FOXN3: variants seen among roughly 807,000 people sequenced by gnomAD.
FOXN3 encodes the protein forkhead box N3.
Under a neutral mutation model 38.4 loss-of-function variants are expected in FOXN3, and 7 were observed. The observed-to-expected ratio is 0.18, with a 90% CI of 0.10 to 0.34. The LOEUF is 0.34. Ranked by LOEUF, FOXN3 falls within the 10% of genes least tolerant of loss-of-function variation. The pLI is 1.00. For synonymous variants in FOXN3, 230 were observed against 242.2 expected (o/e 0.95, Z 0.47); for missense variants, 456 against 613.4 (o/e 0.74, Z 2.71).
chr14:89,363,947 A>AATATAT lies in FOXN3; in HGVS notation c.544-13145_544-13140dup, dbSNP rs67802765. Among the ~76,000 whole-genome samples, 92 of 111,308 alleles carry AATATAT rather than the reference A, an allele frequency of 8.3e-4. 1 individual carries two copies. Among genetic ancestry groups the AATATAT allele is most frequent in the African/African-American group, 3.1e-3 (60 of 19,356 alleles). The allele number at this position is 111,308 out of a possible 152,430, so 73.0% of individuals were successfully genotyped here. ...TAACTGAGCAAGACCCTGTCTGTAAAATATATATATATATATATATATATA... is the reference window on the plus strand; with the variant it reads ...TAACTGAGCAAGACCCTGTCTGTAAAATATATATATATATATATATATATATATATA... On this transcript the variant is annotated intron_variant, in intron 2 of 5. Transcript: ENST00000557258.
At chr14:89,372,590 G>C (rs1462529648) in intron 2 of FOXN3, among the ~76,000 whole-genome samples, 1 of 152,060 alleles carries the variant, frequency 6.6e-6, no homozygotes, top group South Asian at 2.1e-4. Flanking sequence ...AACTTTCCAA[G>C]AGTTTAAGAC....
chr14:89,593,903 G>C (rs1463217530), intron 1 of FOXN3, among the ~76,000 whole-genome samples: 1 of 152,158 alleles, frequency 6.6e-6, no homozygotes, highest in African/African-American at 2.4e-5. Flanking sequence ...CACTGCACTG[G>C]GCAGCTATAG....
At chr14:89,541,640 C>A (rs1894792577) in intron 1 of FOXN3, among the ~76,000 whole-genome samples, 1 of 152,126 alleles carries the variant, frequency 6.6e-6, no homozygotes, top group African/African-American at 2.4e-5. Flanking sequence ...AATAGCCATT[C>A]TTTTATTCCT....
chr14:89,472,891 G>A (rs1173061082), intron 1 of FOXN3, among the ~76,000 whole-genome samples: 3 of 152,136 alleles, frequency 2.0e-5, no homozygotes, highest in Non-Finnish European at 2.9e-5. Context: ...TAACCCTTCT[G>A]TGAGGTTAAT....
At chr14:89,512,107 C>T (rs796158282) in intron 1 of FOXN3, among the ~76,000 whole-genome samples, 2 of 152,252 alleles carry the variant, frequency 1.3e-5, no homozygotes, top group African/African-American at 4.8e-5. Flanking sequence ...GAGGGCACAC[C>T]GCTGTTCTCA....
At chr14:89,218,207 G>C (rs1391043606) in intron 4 of FOXN3, among the ~76,000 whole-genome samples, 1 of 152,184 alleles carries the variant, frequency 6.6e-6, no homozygotes, top group Non-Finnish European at 1.5e-5. Context: ...GGTGGGGATT[G>C]GGATCCAGAA....
intron 5 of FOXN3, among the ~76,000 whole-genome samples, chr14:89,174,422 A>T (rs1353953769): frequency 6.6e-6 from 1 of 152,210 alleles, no homozygotes; most frequent in Non-Finnish European, 1.5e-5. Flanking sequence ...CATGAGCTGC[A>T]AACTGCTCCC....
At chr14:89,514,688 T>C (rs1291732077) in intron 1 of FOXN3, among the ~76,000 whole-genome samples, 2 of 152,198 alleles carry the variant, frequency 1.3e-5, no homozygotes, top group Non-Finnish European at 2.9e-5. Context: ...ATACATTTAA[T>C]TTTAGTTCAT....
chr14:89,373,310 T>A (rs934737535), intron 2 of FOXN3, among the ~76,000 whole-genome samples: 28 of 56,798 alleles, frequency 4.9e-4, no homozygotes, highest in African/African-American at 2.0e-3. Context: ...AAGTGAAAGC[T>A]ATCACAGCTT....
intron 3 of FOXN3, among the ~76,000 whole-genome samples, chr14:89,322,533 C>T (rs1321074952): frequency 1.3e-5 from 2 of 151,986 alleles, no homozygotes; most frequent in Middle Eastern, 3.2e-3. Context: ...CTGGAGGGGG[C>T]TGCAGAGGGA....
chr14:89,200,135 T>A (rs1014261480), intron 4 of FOXN3, among the ~76,000 whole-genome samples: 1 of 152,108 alleles, frequency 6.6e-6, no homozygotes, highest in Non-Finnish European at 1.5e-5. Flanking sequence ...CTACATTTCA[T>A]TGGGGGTACT....
At chr14:89,557,304 C>T (rs1895146741) in intron 1 of FOXN3, among the ~76,000 whole-genome samples, 1 of 152,170 alleles carries the variant, frequency 6.6e-6, no homozygotes, top group Non-Finnish European at 1.5e-5. Context: ...TCCCAATTCC[C>T]ACTCTTATTG....
chr14:89,376,680 T>C (rs1890485799), intron 2 of FOXN3, among the ~76,000 whole-genome samples: 1 of 152,040 alleles, frequency 6.6e-6, no homozygotes, highest in South Asian at 2.1e-4. Flanking sequence ...TGAGACATAA[T>C]GGTTTAAGAA....
chr14:89,374,689 T>C (rs758251227), intron 2 of FOXN3, among the ~76,000 whole-genome samples: 11 of 151,968 alleles, frequency 7.2e-5, no homozygotes, highest in Non-Finnish European at 1.5e-4. Flanking sequence ...TATACTATTC[T>C]TGCCGGGCGT....
intron 1 of FOXN3, among the ~76,000 whole-genome samples, chr14:89,589,494 A>G (rs540627122): frequency 2.0e-5 from 3 of 152,182 alleles, no homozygotes; most frequent in Non-Finnish European, 4.4e-5. Context: ...CCCACAGCCC[A>G]TGCCAGGCCT....
intron 3 of FOXN3, among the ~76,000 whole-genome samples, chr14:89,322,089 T>C (rs542292096): frequency 3.3e-5 from 5 of 152,370 alleles, no homozygotes; most frequent in Admixed American, 2.6e-4. Flanking sequence ...CACAGTTGCC[T>C]TAAAGTTCCT....
At chr14:89,325,244 CCACGACCACCACCACCACCACCA>C (rs1888022161) in intron 3 of FOXN3, among the ~76,000 whole-genome samples, 1 of 60,446 alleles carries the variant, frequency 1.7e-5, no homozygotes, top group African/African-American at 4.7e-5. Context: ...ACTACCACCA[CCACGACCACCACCACCACCACCA>C]TCACCAACAC....
chr14:89,373,035 G>A (rs763173285), intron 2 of FOXN3, among the ~76,000 whole-genome samples: 2 of 151,970 alleles, frequency 1.3e-5, no homozygotes, highest in Admixed American at 1.3e-4. Context: ...GTGTCGTGAC[G>A]CAGGCCTGTG....
At chr14:89,611,211 C>T (rs1018740206) in intron 1 of FOXN3, among the ~76,000 whole-genome samples, 33 of 152,104 alleles carry the variant, frequency 2.2e-4, no homozygotes, top group African/African-American at 8.0e-4. Context: ...ACAGGGGAGC[C>T]CCAAAAAGAA....
Sources: gnomAD v4.1 joint callset for allele counts (sites outside exome capture counted in the v4.1 genomes callset) on GRCh38, gnomAD v4.1.1 for gene constraint, MANE v1.5 for transcripts, NCBI Gene and HGNC (gene_info 2026-07-23, HGNC 2026-07-21) for gene names.